LIFR: variants seen among roughly 807,000 people sequenced by gnomAD.
The protein encoded by LIFR is LIF receptor subunit alpha.
In LIFR, 84 loss-of-function variants were observed where a neutral mutation model predicts 122.2. The ratio of observed to expected loss-of-function variants is 0.69; its 90% CI spans 0.58 to 0.82. LIFR has a LOEUF of 0.82. Ranked by LOEUF, LIFR falls within the 40% of genes least tolerant of loss-of-function variation. The probability of loss-of-function intolerance (pLI) is 0.00; values close to 1 mark genes in which losing one functional copy is unlikely to be tolerated. For missense variants in LIFR, 1,294 were observed against 1,311.6 expected, an observed-to-expected ratio of 0.99 and a Z score of 0.21; for synonymous variants, 422 against 434.7, an observed-to-expected ratio of 0.97 and a Z score of 0.36.
intron 1 of LIFR, among the ~76,000 whole-genome samples, chr5:38,567,183 A>G (rs1749052255): frequency 1.3e-5 from 2 of 152,200 alleles, no homozygotes; most frequent in African/African-American, 4.8e-5. Context: ...AGGAATTGGA[A>G]CCAATTCTGG....
At position 38,505,792 on chromosome 5, in the gene LIFR, A is replaced by T. The variant is rs921184339; in HGVS notation, c.1291+113T>A. 9.0e-6 allele frequency: 4 copies of T among 446,410 alleles called. No individual in the cohort carries two copies. In the Admixed American group the frequency reaches 1.5e-4, roughly 17 times the overall value. The allele number at this position is 446,410 out of a possible 1,614,324, so 27.7% of individuals were successfully genotyped here. A position where few individuals can be genotyped will look rare whatever the true frequency, so the allele number is the denominator to read the frequency against. ...AAATAAAATTTATGAAATTAATATT[A>T]AGTAACTATAAAGAAAATAATCAGC... On this transcript the variant is annotated intron_variant, in intron 9 of 19. Coordinates refer to ENST00000453190, the MANE Select transcript of LIFR (RefSeq NM_001127671.2).
intron 18 of LIFR, 97 bp from the exon 19 acceptor site, chr5:38,482,764 T>C (rs1744065595): frequency 7.2e-6 from 4 of 552,682 alleles, no homozygotes; most frequent in Admixed American, 3.4e-5. Flanking sequence ...TATTTATGAA[T>C]CCTTTAATGC....
rs1373472111 is a variant in LIFR at position 38,493,893 on chromosome 5, AT to A, written c.1886-109del. ...AAAATCACTTCATTGTGAAGAAATT[AT>A]AAAATAGTGCTCAAACTAGATAAAC... On this transcript the variant is annotated intron_variant, in intron 13 of 19. Transcript: ENST00000453190. 3.4e-6 allele frequency: 3 copies of A among 877,830 alleles called. No individual in the cohort carries two copies. The African/African-American group carries it at 5.0e-5, about 15-fold the overall frequency. The allele number at this position is 877,830 out of a possible 1,614,324, so 54.4% of individuals were successfully genotyped here.
chr5:38,606,783 G>T (rs1750338556), intron 1 of LIFR, among the ~76,000 whole-genome samples: 1 of 152,082 alleles, frequency 6.6e-6, no homozygotes, highest in Non-Finnish European at 1.5e-5. Flanking sequence ...TTTCCATCAA[G>T]GACACTTTCT....
chr5:38,536,146 C>G (rs1430478017), intron 1 of LIFR, among the ~76,000 whole-genome samples: 1 of 152,088 alleles, frequency 6.6e-6, no homozygotes, highest in Non-Finnish European at 1.5e-5. Flanking sequence ...AATGAGGGTG[C>G]TGGTTTCCAA....
intron 5 of LIFR, among the ~76,000 whole-genome samples, chr5:38,513,213 G>A (rs1444135883): frequency 6.6e-6 from 1 of 152,152 alleles, no homozygotes; most frequent in Non-Finnish European, 1.5e-5. Flanking sequence ...TCTGGAAGCT[G>A]GAAAGCAGAT....
rs1743707746 is a variant in LIFR at position 38,476,078 on chromosome 5, T to C, written c.*5517A>G. The C allele has an allele frequency of 5.0e-6, 1 of 198,910 alleles. No individual in the cohort carries two copies. Among genetic ancestry groups the C allele is most frequent in the South Asian group, 1.9e-4 (1 of 5,230 alleles). The allele number at this position is 198,910 out of a possible 1,614,324, so 12.3% of individuals were successfully genotyped here. A position where few individuals can be genotyped will look rare whatever the true frequency, so the allele number is the denominator to read the frequency against. The stretch of plus-strand genomic sequence containing the variant: ...CGCTACTCACAATGTTATTCATATT[T>C]TTCCTAAATATTGTGTTGGAAGGAA... On this transcript the variant is annotated 3_prime_UTR_variant, in exon 20 of 20. Coordinates refer to ENST00000453190, the MANE Select transcript of LIFR (RefSeq NM_001127671.2).
In LIFR at chr5:38,511,842, A is replaced by G; in HGVS notation, c.684T>C (p.His228=). ...CACTCCACTCTTCGAGACCAGAAAA[A>G]TGAAGATTGTCAATGTAGCATCTAA... ...VEIRCYIDNL[H]FSGLEEWSDW... is the part of the protein sequence containing the mutation. The change falls in exon 6 of 20, where the codon CAT becomes CAC. Residue 228 remains histidine, a synonymous_variant. Coordinates refer to ENST00000453190, the MANE Select transcript of LIFR (RefSeq NM_001127671.2). 6.2e-7 allele frequency: 1 copy of G among 1,614,134 alleles called. No homozygotes were observed. Among genetic ancestry groups the G allele is most frequent in the Non-Finnish European group, 8.5e-7 (1 of 1,179,988 alleles).
At chr5:38,541,407 G>C (rs1747585283) in intron 1 of LIFR, among the ~76,000 whole-genome samples, 1 of 152,162 alleles carries the variant, frequency 6.6e-6, no homozygotes, top group South Asian at 2.1e-4. Flanking sequence ...GCCTCGACTT[G>C]ATAAGCTGTT....
At chr5:38,563,506 A>G (rs1456558632) in intron 1 of LIFR, among the ~76,000 whole-genome samples, 1 of 152,224 alleles carries the variant, frequency 6.6e-6, no homozygotes, top group African/African-American at 2.4e-5. Flanking sequence ...ACCAAAGCTC[A>G]AAGGAGTAAA....
At chr5:38,507,726 T>C (rs988353480) in intron 7 of LIFR, among the ~76,000 whole-genome samples, 5 of 152,102 alleles carry the variant, frequency 3.3e-5, no homozygotes, top group Admixed American at 6.5e-5. Flanking sequence ...GTAAAAGTTC[T>C]TTTTTAAAAA....
intron 1 of LIFR, among the ~76,000 whole-genome samples, chr5:38,594,394 T>C (rs1750029089): frequency 1.3e-5 from 2 of 152,172 alleles, no homozygotes; most frequent in Non-Finnish European, 1.5e-5. Flanking sequence ...TCAAAACCCA[T>C]AGAATGCACA....
upstream of LIFR, among the ~76,000 whole-genome samples, chr5:38,596,856 G>T (rs1750110632): frequency 2.6e-5 from 4 of 152,134 alleles, no homozygotes; most frequent in East Asian, 5.8e-4. Context: ...GTTACCTTGG[G>T]CTTCAAAATG....
chr5:38,521,065 A>G (rs1438201960), intron 5 of LIFR, among the ~76,000 whole-genome samples: 2 of 152,114 alleles, frequency 1.3e-5, no homozygotes, highest in African/African-American at 4.8e-5. Context: ...AATTCTTCCA[A>G]TCTGTAAGCA....
chr5:38,520,926 T>C (rs1277192444), intron 5 of LIFR, among the ~76,000 whole-genome samples: 1 of 152,240 alleles, frequency 6.6e-6, no homozygotes, highest in Non-Finnish European at 1.5e-5. Context: ...TGGGTTTCTT[T>C]TGACTTCATA....
intron 2 of LIFR, among the ~76,000 whole-genome samples, chr5:38,601,830 A>G (rs999451631): frequency 6.6e-6 from 1 of 152,178 alleles, no homozygotes; most frequent in East Asian, 1.9e-4. Context: ...AAGTCTACCT[A>G]TAAATTAAAT....
At chr5:38,534,343 T>C (rs1747179011) in intron 1 of LIFR, among the ~76,000 whole-genome samples, 1 of 151,954 alleles carries the variant, frequency 6.6e-6, no homozygotes. Context: ...GCTCTTCAAG[T>C]TAAAAGAAAG....
intron 1 of LIFR, among the ~76,000 whole-genome samples, chr5:38,564,240 A>AT (rs5867412): frequency 0.82 from 120,277 of 146,970 alleles, 49,239 homozygotes; most frequent in East Asian, 0.96. Context: ...CCATGATTGG[A>AT]TTTTTTTTTT....
intron 3 of LIFR, 140 bp from the exon 4 acceptor site, chr5:38,527,434 A>G (rs1370667454): frequency 1.6e-6 from 1 of 620,012 alleles, no homozygotes; most frequent in Non-Finnish European, 2.8e-6. Flanking sequence ...ACCGCATTTT[A>G]AGACTGAAAA....
Sources: allele counts gnomAD v4.1 joint callset (sites outside exome capture counted in the v4.1 genomes callset), GRCh38; gene constraint gnomAD v4.1.1; transcripts MANE v1.5; gene names NCBI Gene and HGNC (gene_info 2026-07-23, HGNC 2026-07-21).